The following ARNT2 variants were observed in gnomAD, a reference collection of about 807,000 sequenced individuals.
ARNT2 encodes the protein aryl hydrocarbon receptor nuclear translocator 2, also known as ARNT protein 2.
A neutral mutation model predicts 91.7 loss-of-function variants in ARNT2; 36 were observed. The ratio of observed to expected loss-of-function variants is 0.39; its 90% confidence interval spans 0.30 to 0.52. ARNT2 has a LOEUF of 0.52. Ranked by LOEUF, ARNT2 falls within the 20% of genes least tolerant of loss-of-function variation. The pLI, the probability that ARNT2 is intolerant of heterozygous loss-of-function variation, is 0.72. For missense variants in ARNT2, 775 were observed against 939.3 expected, an observed-to-expected ratio of 0.83 and a Z score of 2.29; for synonymous variants, 365 against 347.1, an observed-to-expected ratio of 1.05 and a Z score of -0.57.
At chr15:80,468,346 A>G (rs1896687054) in intron 3 of ARNT2, among the ~76,000 whole-genome samples, 1 of 151,490 alleles carries the variant, frequency 6.6e-6, no homozygotes, top group South Asian at 2.1e-4. Flanking sequence ...AGAGAGCATC[A>G]CGGCTCTTAT....
intron 6 of ARNT2, among the ~76,000 whole-genome samples, chr15:80,511,420 A>T (rs1897339576): frequency 6.6e-6 from 1 of 152,110 alleles, no homozygotes; most frequent in African/African-American, 2.4e-5. Context: ...AAAATAACTA[A>T]TGGGTACTAG....
In ARNT2 at chr15:80,470,261, A is replaced by T. The variant is rs186178697; in HGVS notation, c.238A>T (p.Thr80Ser). 1 of 1,614,092 alleles carries T rather than the reference A, an allele frequency of 6.2e-7. No homozygotes were observed. Among genetic ancestry groups the T allele is most frequent in the African/African-American group, 1.3e-5 (1 of 75,008 alleles). Residue 80 changes from threonine to serine, a missense_variant, in exon 4 of 19, where the codon ACT becomes TCT. Thr to Ser is a moderately conservative substitution (Grantham distance 58). Around this residue, in one of 5 missense-constraint regions of ARNT2, gnomAD observed 83 missense variants for 149.4 expected, o/e 0.56. Transcript: ENST00000303329. ...CGAAAGGCGCAGACGGAACAAGATG[A>T]CTCAGTACATCACGGAGCTCTCCGA... ...EIERRRRNKM[T>S]QYITELSDMV... is the part of the protein sequence containing the mutation.
intron 11 of ARNT2, among the ~76,000 whole-genome samples, chr15:80,562,526 TC>T (rs1184226951): frequency 6.6e-6 from 1 of 152,178 alleles, no homozygotes; most frequent in Non-Finnish European, 1.5e-5. Flanking sequence ...CATCAAAGTG[TC>T]ATACATAGAA....
intron 5 of ARNT2, among the ~76,000 whole-genome samples, chr15:80,475,758 G>T (rs1896793210): frequency 6.6e-6 from 1 of 152,080 alleles, no homozygotes; most frequent in Non-Finnish European, 1.5e-5. Context: ...TACCACTAGA[G>T]GTTGTCGTTG....
rs2091320578 is a variant in ARNT2, at chr15:80,593,817, A to G, written c.*119A>G. 3 of 905,188 alleles carry G rather than the reference A, an allele frequency of 3.3e-6. No individual in the cohort carries two copies. Among genetic ancestry groups the G allele is most frequent in the South Asian group, 1.6e-5 (1 of 63,058 alleles). 56.1% of individuals were successfully genotyped at this position (905,188 alleles called of 1,614,324 possible). A position where few individuals can be genotyped will look rare whatever the true frequency, so the allele number is the denominator to read the frequency against. ...TGCCGCAGGCCCCCCACCAGAAGCC[A>G]TCTCCCCCGCTGTGTGTCCCCAGGC... On this transcript the variant is annotated 3_prime_UTR_variant, in exon 19 of 19. Transcript: ENST00000303329.
At chr15:80,431,187 G>A (rs995709509) in intron 1 of ARNT2, among the ~76,000 whole-genome samples, 8 of 152,070 alleles carry the variant, frequency 5.3e-5, no homozygotes, top group African/African-American at 7.2e-5. Context: ...CATTTTCTTC[G>A]GGAGGCCACA....
chr15:80,505,927 G>GTTTTTTTTTTTT (rs1161520898), intron 5 of ARNT2, among the ~76,000 whole-genome samples: 969 of 88,846 alleles, frequency 0.011, 118 homozygotes, highest in Non-Finnish European at 0.012. Flanking sequence ...AACATTTGTT[G>GTTTTTTTTTTTT]TTTTTTTTTT....
rs1313358920 is a variant in ARNT2, at chr15:80,575,018, A to C, written c.1421A>C (p.His474Pro). The C allele has an allele frequency of 1.9e-6, 3 of 1,614,192 alleles. No homozygotes were observed. Among genetic ancestry groups the C allele is most frequent in the East Asian group, 2.2e-5 (1 of 44,886 alleles). Residue 474 changes from histidine to proline, a missense_variant, in exon 14 of 19, where the codon CAT (histidine) becomes CCT (proline). Around this residue, in one of 5 missense-constraint regions of ARNT2, gnomAD observed 325 missense variants for 359.9 expected, o/e 0.90. Transcript: ENST00000303329. ...GTCCCCAACCTACCAGCCGGTGTTC[A>C]TGAGGCCGGGAAGTCCGTGGAAAAG... Reference protein sequence around the residue: ...VPVPNLPAGVHEAGKSVEKAD... With the variant: ...VPVPNLPAGVPEAGKSVEKAD...
At chr15:80,513,874 G>A in intron 6 of ARNT2, 37 bp from the exon 7 acceptor site, 2 of 1,556,492 alleles carry the variant, frequency 1.3e-6, no homozygotes, top group Non-Finnish European at 1.8e-6. Context: ...AACTTGCCTG[G>A]GTCTTTGCTC....
intron 5 of ARNT2, chr15:80,475,612 GC>G (rs1235573263): frequency 2.3e-5 from 4 of 170,364 alleles, no homozygotes; most frequent in African/African-American, 9.6e-5. Flanking sequence ...GAAACTGGAG[GC>G]CATAAAAAGC....
At chr15:80,528,982 G>A (rs972819533) in intron 8 of ARNT2, among the ~76,000 whole-genome samples, 1 of 152,182 alleles carries the variant, frequency 6.6e-6, no homozygotes, top group African/African-American at 2.4e-5. Context: ...CTGACACCAA[G>A]TTGGTTTCAC....
chr15:80,591,697 T>G lies in ARNT2; in HGVS notation c.2048T>G (p.Val683Gly). 1 of 1,613,840 alleles carries G rather than the reference T, an allele frequency of 6.2e-7. No homozygotes were observed. The highest frequency in any genetic ancestry group is 8.5e-7 in the Non-Finnish European group (1 of 1,179,864). ...CACCAGCAGCCCGGTCAGACTGAAG[T>G]GTTCCAGGTAAATCGAGCGAGCACC... ...HSHQQPGQTE[V>G]FQDMLPMPGD... Residue 683 changes from valine (V) to glycine (G), a missense_variant, in exon 18 of 19, where the codon GTG becomes GGG. Val to Gly is a moderately radical substitution (Grantham distance 109). Transcript: ENST00000303329. This position sits in a 1 kb window ranked among gnomAD's most constrained non-coding sequence, Gnocchi z 5.1.
At chr15:80,553,140 CCT>C (rs1237166741) in intron 10 of ARNT2, among the ~76,000 whole-genome samples, 2 of 152,190 alleles carry the variant, frequency 1.3e-5, no homozygotes, top group African/African-American at 4.8e-5. Context: ...TTTTGCCTAA[CCT>C]CTTGTTTCTC....
chr15:80,451,525 T>A (rs17225178), intron 2 of ARNT2, among the ~76,000 whole-genome samples: 15,359 of 152,292 alleles, frequency 0.1, 825 homozygotes, highest in Middle Eastern at 0.16. Flanking sequence ...AGTGTACTTG[T>A]TCTGATAGGG....
intron 3 of ARNT2, among the ~76,000 whole-genome samples, chr15:80,465,590 TCTC>T (rs1319532649): frequency 6.6e-6 from 1 of 152,154 alleles, no homozygotes; most frequent in African/African-American, 2.4e-5. Context: ...AGTGCTGACT[TCTC>T]AGATTTGGAC....
At chr15:80,457,890 C>T (rs749604327) in intron 2 of ARNT2, 39 bp from the exon 3 acceptor site, 4 of 1,610,270 alleles carry the variant, frequency 2.5e-6, no homozygotes, top group Non-Finnish European at 3.4e-6. Context: ...AAAATGTTCT[C>T]CTAATAATCA....
At chr15:80,525,421 C>G (rs1342311279) in intron 8 of ARNT2, among the ~76,000 whole-genome samples, 1 of 152,134 alleles carries the variant, frequency 6.6e-6, no homozygotes, top group Non-Finnish European at 1.5e-5. Flanking sequence ...CTGTTTAGAT[C>G]CCTCAAGAGC....
At chr15:80,527,171 C>G (rs1191852639) in intron 8 of ARNT2, among the ~76,000 whole-genome samples, 2 of 152,236 alleles carry the variant, frequency 1.3e-5, no homozygotes, top group African/African-American at 4.8e-5. Flanking sequence ...TTTCTGAGCT[C>G]TTGCCACAGG....
intron 17 of ARNT2, among the ~76,000 whole-genome samples, chr15:80,586,155 AG>A (rs1176808912): frequency 6.6e-6 from 1 of 152,138 alleles, no homozygotes; most frequent in Non-Finnish European, 1.5e-5. Context: ...CCAAGTGCAC[AG>A]GTTGCTTAAA....
Sources: allele counts gnomAD v4.1 joint callset (sites outside exome capture counted in the v4.1 genomes callset), GRCh38; gene constraint gnomAD v4.1.1; regional missense constraint gnomAD v4.1.1; non-coding constraint Gnocchi (gnomAD v3.1); transcripts MANE v1.5; gene names NCBI Gene and HGNC (gene_info 2026-07-23, HGNC 2026-07-21).